ASB4: variants seen among roughly 807,000 people sequenced by gnomAD.
ASB4 encodes the protein ankyrin repeat and SOCS box protein 4.
In ASB4, 35 loss-of-function variants were observed where a neutral mutation model predicts 38.6. The ratio of observed to expected loss-of-function variants is 0.91; its 90% CI spans 0.69 to 1.20. The LOEUF is 1.20. Ranked by LOEUF, ASB4 falls within the 50% of genes most tolerant of loss-of-function variation. The pLI, the probability that ASB4 is intolerant of heterozygous loss-of-function variation, is 0.00. For synonymous variants in ASB4, 195 were observed against 201.3 expected (o/e 0.97, Z 0.26); for missense variants, 557 against 527.2 (o/e 1.06, Z -0.55).
At chr7:95,525,941 G>A (rs1277797675) in intron 2 of ASB4, among the ~76,000 whole-genome samples, 4 of 152,188 alleles carry the variant, frequency 2.6e-5, no homozygotes, top group Non-Finnish European at 4.4e-5. Flanking sequence ...GAGCATGCTT[G>A]TAGGAGTTTT....
chr7:95,498,810 G>T (rs1396163923), intron 2 of ASB4, among the ~76,000 whole-genome samples: 2 of 152,028 alleles, frequency 1.3e-5, no homozygotes, highest in East Asian at 3.8e-4. Context: ...TTCATTTTGA[G>T]TTAATTTTTT....
At chr7:95,491,455 A>G (rs550409428) in intron 1 of ASB4, among the ~76,000 whole-genome samples, 7 of 152,302 alleles carry the variant, frequency 4.6e-5, no homozygotes, top group Admixed American at 2.0e-4. Context: ...GTCTAAACAC[A>G]TAGTAAAAGG....
chr7:95,495,379 T>C (rs1396952298), intron 1 of ASB4, among the ~76,000 whole-genome samples: 1 of 152,142 alleles, frequency 6.6e-6, no homozygotes, highest in Non-Finnish European at 1.5e-5. Context: ...TGAAAGTTTT[T>C]TAAAAAAATA....
upstream of ASB4, among the ~76,000 whole-genome samples, chr7:95,478,161 G>T (rs1789994044): frequency 6.6e-6 from 1 of 152,084 alleles, no homozygotes. Flanking sequence ...TCATAAATTT[G>T]TCAAAAGTAA....
intron 1 of ASB4, among the ~76,000 whole-genome samples, chr7:95,488,127 G>A (rs1255185380): frequency 1.3e-5 from 2 of 152,200 alleles, no homozygotes; most frequent in African/African-American, 4.8e-5. Flanking sequence ...TGATCACGAG[G>A]TCAGGAGATA....
At chr7:95,528,638 TC>T in intron 3 of ASB4, 1 of 1,236,564 alleles carries the variant, frequency 8.1e-7, no homozygotes, top group Non-Finnish European at 1.0e-6. Flanking sequence ...ACATTTGCCA[TC>T]TTTTAAACAG....
rs1030478742 is a variant in ASB4, at chr7:95,523,519, T to A, written c.488-4294T>A. Among the ~76,000 whole-genome samples, 8 of 152,270 alleles carry A rather than the reference T, an allele frequency of 5.3e-5. No homozygotes were observed. The South Asian group carries it at 1.4e-3, about 28-fold the overall frequency. On this transcript the variant is annotated intron_variant, in intron 2 of 4. Coordinates refer to ENST00000325885, the MANE Select transcript of ASB4 (RefSeq NM_016116.3). The stretch of plus-strand genomic sequence containing the variant: ...ATTCGGATTTTAAAAAATAAGAATT[T>A]TTGCAAGAATTTCTCTTTAAGTGTG...
At chr7:95,549,711 A>C in the ASB4 span, among the ~76,000 whole-genome samples, 1 of 152,178 alleles carries the variant, frequency 6.6e-6, no homozygotes, top group Non-Finnish European at 1.5e-5. Flanking sequence ...GTTTGTTATT[A>C]GACTCTGACA....
intron 3 of ASB4, among the ~76,000 whole-genome samples, chr7:95,534,340 T>C (rs1790859318): frequency 7.6e-6 from 1 of 130,732 alleles, no homozygotes; most frequent in African/African-American, 2.7e-5. Flanking sequence ...TAAAACTCCA[T>C]TAAAAAAAAA....
chr7:95,496,271 A>G, intron 2 of ASB4: 3 of 470,742 alleles, frequency 6.4e-6, no homozygotes, highest in Non-Finnish European at 1.1e-5. Context: ...AAGTTCATTC[A>G]TTTACTCATT....
intron 2 of ASB4, among the ~76,000 whole-genome samples, chr7:95,519,890 A>T (rs1790636359): frequency 6.6e-6 from 1 of 152,106 alleles, no homozygotes; most frequent in Admixed American, 6.6e-5. Flanking sequence ...TGGGTGGTGA[A>T]TATTTTAAGC....
intron 3 of ASB4, 139 bp from the exon 4 acceptor site, chr7:95,536,298 C>A: frequency 1.8e-6 from 1 of 553,336 alleles, no homozygotes; most frequent in Non-Finnish European, 3.2e-6. Context: ...AATCCTCCTG[C>A]CTCAGTCTCC....
upstream of ASB4, chr7:95,485,932 C>T (rs751330878): frequency 3.8e-6 from 6 of 1,593,280 alleles, no homozygotes; most frequent in East Asian, 1.3e-4. Context: ...GTGCTGTTCT[C>T]TCGATAAATC....
At chr7:95,510,237 C>T (rs1453741182) in intron 2 of ASB4, among the ~76,000 whole-genome samples, 1 of 152,116 alleles carries the variant, frequency 6.6e-6, no homozygotes, top group Non-Finnish European at 1.5e-5. Flanking sequence ...AATCGTTTAT[C>T]CCCATTCTGT....
chr7:95,470,728 G>C, the ASB4 span, among the ~76,000 whole-genome samples: 1 of 152,118 alleles, frequency 6.6e-6, no homozygotes, highest in African/African-American at 2.4e-5. Flanking sequence ...AAGAAGAAAG[G>C]CTGATAATGC....
intron 1 of ASB4, chr7:95,478,601 G>A (rs996401373): frequency 6.6e-6 from 1 of 152,132 alleles, no homozygotes. Flanking sequence ...AACACTCAGG[G>A]TAATTAGCTA....
chr7:95,505,144 G>A (rs1410600018), intron 2 of ASB4, among the ~76,000 whole-genome samples: 4 of 152,156 alleles, frequency 2.6e-5, no homozygotes, highest in Admixed American at 6.6e-5. Context: ...CATAATGTAC[G>A]ATGATTGAAA....
intron 4 of ASB4, 109 bp from the exon 5 acceptor site, chr7:95,537,462 C>A: frequency 1.1e-6 from 1 of 938,184 alleles, no homozygotes; most frequent in Non-Finnish European, 1.6e-6. Flanking sequence ...CCAATAGAGA[C>A]CCTAGGAAGC....
At chr7:95,531,331 C>G (rs1790816812) in intron 3 of ASB4, among the ~76,000 whole-genome samples, 1 of 152,160 alleles carries the variant, frequency 6.6e-6, no homozygotes, top group African/African-American at 2.4e-5. Context: ...AAAACATCTA[C>G]CTCTGTAATA....
Sources: allele counts gnomAD v4.1 joint callset (sites outside exome capture counted in the v4.1 genomes callset), GRCh38; gene constraint gnomAD v4.1.1; transcripts MANE v1.5; gene names NCBI Gene and HGNC (gene_info 2026-07-23, HGNC 2026-07-21).